Variants in ZBTB20 observed in about 807,000 individuals in gnomAD.
The protein encoded by ZBTB20 is zinc finger and BTB domain containing 20.
Under a neutral mutation model 56.9 loss-of-function variants are expected in ZBTB20, and 9 were observed. That is an observed-to-expected ratio of 0.16 (90% confidence interval 0.10 to 0.28). The LOEUF (loss-of-function observed/expected upper bound fraction) is 0.28, where lower values mean the gene tolerates loss of function less well. ZBTB20 is among the 10% of genes least tolerant of loss of function. The probability of loss-of-function intolerance (pLI) is 1.00; values close to 1 mark genes in which losing one functional copy is unlikely to be tolerated. For missense variants in ZBTB20, 655 were observed against 1,003.0 expected, an observed-to-expected ratio of 0.65 and a Z score of 4.69; for synonymous variants, 417 against 420.7, an observed-to-expected ratio of 0.99 and a Z score of 0.11.
chr3:114,414,691 C>A (rs149279466), intron 7 of ZBTB20, among the ~76,000 whole-genome samples: 1 of 145,418 alleles, frequency 6.9e-6, no homozygotes, highest in Non-Finnish European at 1.5e-5. Flanking sequence ...TATGAAACAA[C>A]GAATACATAA....
intron 6 of ZBTB20, among the ~76,000 whole-genome samples, chr3:114,593,360 G>A (rs1027867871): frequency 6.6e-6 from 1 of 150,756 alleles, no homozygotes; most frequent in South Asian, 2.1e-4. Flanking sequence ...GAGAGGGAGA[G>A]ATTTTTTTGT....
chr3:114,549,152 T>C (rs752322808), intron 6 of ZBTB20, among the ~76,000 whole-genome samples: 3 of 152,226 alleles, frequency 2.0e-5, no homozygotes, highest in African/African-American at 4.8e-5. Context: ...TTTTATGACA[T>C]TTCACTAAAT....
chr3:114,533,594 C>T (rs2048116405), intron 6 of ZBTB20, among the ~76,000 whole-genome samples: 1 of 152,122 alleles, frequency 6.6e-6, no homozygotes, highest in Non-Finnish European at 1.5e-5. Flanking sequence ...GCTTCCCCAG[C>T]CTAGCAAGAC....
At chr3:114,487,709 G>A (rs528860316) in intron 7 of ZBTB20, among the ~76,000 whole-genome samples, 70 of 152,280 alleles carry the variant, frequency 4.6e-4, no homozygotes, top group African/African-American at 1.4e-3. Context: ...CAGTTTGCAC[G>A]GCAGAGGCGG....
At chr3:114,909,606 G>T (rs148818711) in intron 3 of ZBTB20, among the ~76,000 whole-genome samples, 1 of 151,830 alleles carries the variant, frequency 6.6e-6, no homozygotes, top group African/African-American at 2.4e-5. Flanking sequence ...TCCATTCACG[G>T]TATTAATTAT....
intron 7 of ZBTB20, among the ~76,000 whole-genome samples, chr3:114,406,432 C>A (rs894959170): frequency 1.3e-5 from 2 of 152,096 alleles, no homozygotes; most frequent in Non-Finnish European, 2.9e-5. Flanking sequence ...ACCATCTGGT[C>A]TCAAGAACAT....
At chr3:114,591,799 T>C (rs1372497244) in intron 6 of ZBTB20, among the ~76,000 whole-genome samples, 1 of 152,204 alleles carries the variant, frequency 6.6e-6, no homozygotes, top group East Asian at 1.9e-4. Flanking sequence ...TGGTTAGTTA[T>C]ACTTATCTCT....
At chr3:114,983,612 T>C (rs1003779147) in intron 2 of ZBTB20, among the ~76,000 whole-genome samples, 31 of 151,998 alleles carry the variant, frequency 2.0e-4, no homozygotes, top group African/African-American at 7.5e-4. Flanking sequence ...TGTGTAACTT[T>C]TGGCTTCAGA....
chr3:114,458,008 T>C (rs1387420157), intron 7 of ZBTB20, among the ~76,000 whole-genome samples: 1 of 152,212 alleles, frequency 6.6e-6, no homozygotes, highest in African/African-American at 2.4e-5. Context: ...TTTCGAATTA[T>C]AGAATCTGTC....
At chr3:114,490,698 T>C (rs570943809) in intron 7 of ZBTB20, among the ~76,000 whole-genome samples, 2 of 152,340 alleles carry the variant, frequency 1.3e-5, no homozygotes, top group South Asian at 2.1e-4. Flanking sequence ...AAGTAGATGA[T>C]CTAATTGTTT....
Position 115,091,827 on chromosome 3 carries a change from G to A in ZBTB20, c.-702-20413C>T, listed in dbSNP as rs1447866510. ...TGCTGAATGCCAATAGAAGGTTCTGGAGGATGAATAAGACACAGACACTAT... is the reference window on the plus strand; with the variant it reads ...TGCTGAATGCCAATAGAAGGTTCTGAAGGATGAATAAGACACAGACACTAT... On this transcript the variant is annotated intron_variant, in intron 1 of 11. Coordinates refer to ENST00000675478, the MANE Select transcript of ZBTB20 (RefSeq NM_001348800.3). Among the ~76,000 whole-genome samples the A allele has an allele frequency of 9.9e-5, 15 of 151,918 alleles. 1 individual carries two copies. Among genetic ancestry groups the A allele is most frequent in the Admixed American group, 9.9e-4 (15 of 15,214 alleles).
At chr3:114,641,834 C>A (rs969136069) in intron 6 of ZBTB20, among the ~76,000 whole-genome samples, 3 of 151,652 alleles carry the variant, frequency 2.0e-5, no homozygotes, top group African/African-American at 7.3e-5. Context: ...TGAATGTAAT[C>A]AAATAATTTT....
At chr3:114,810,868 A>G (rs1458179157) in intron 4 of ZBTB20, among the ~76,000 whole-genome samples, 1 of 152,084 alleles carries the variant, frequency 6.6e-6, no homozygotes. Context: ...GTGTATAGAA[A>G]ATCTTCAACT....
chr3:114,806,925 C>G (rs572754606), intron 4 of ZBTB20, among the ~76,000 whole-genome samples: 1 of 152,016 alleles, frequency 6.6e-6, no homozygotes, highest in South Asian at 2.1e-4. Context: ...TTTAATTGAT[C>G]AAAAATATGA....
At chr3:114,369,026 T>C (rs1000534739) in intron 10 of ZBTB20, among the ~76,000 whole-genome samples, 2 of 152,252 alleles carry the variant, frequency 1.3e-5, no homozygotes. Context: ...ATGTGTCTTT[T>C]CCATTAGACA....
intron 1 of ZBTB20, among the ~76,000 whole-genome samples, chr3:115,075,531 G>T (rs1363195901): frequency 6.6e-6 from 1 of 151,974 alleles, no homozygotes; most frequent in Non-Finnish European, 1.5e-5. Flanking sequence ...ATCCATAGAA[G>T]GACATTTAGG....
chr3:114,535,544 C>G (rs2048360215), intron 6 of ZBTB20, among the ~76,000 whole-genome samples: 1 of 152,306 alleles, frequency 6.6e-6, no homozygotes. Context: ...GAATTCACAG[C>G]TGAATTCTAT....
At chr3:115,038,472 A>G (rs574743078) in intron 2 of ZBTB20, among the ~76,000 whole-genome samples, 1 of 152,326 alleles carries the variant, frequency 6.6e-6, no homozygotes, top group African/African-American at 2.4e-5. Flanking sequence ...TACAATTAGT[A>G]CATTGATAAA....
At chr3:114,568,280 G>A (rs983930788) in intron 6 of ZBTB20, among the ~76,000 whole-genome samples, 3 of 152,102 alleles carry the variant, frequency 2.0e-5, no homozygotes, top group African/African-American at 7.2e-5. Context: ...CTCCCCCCAC[G>A]AAAAACCTGA....
Sources: gnomAD v4.1 joint callset for allele counts (sites outside exome capture counted in the v4.1 genomes callset) on GRCh38, gnomAD v4.1.1 for gene constraint, MANE v1.5 for transcripts, NCBI Gene and HGNC (gene_info 2026-07-23, HGNC 2026-07-21) for gene names.